Variants in NDEL1 observed in about 807,000 individuals in gnomAD.
NDEL1 encodes the protein nudE neurodevelopment protein 1 like 1.
Under a neutral mutation model 45.7 loss-of-function variants are expected in NDEL1, and 9 were observed. The observed-to-expected ratio is 0.20, with a 90% CI of 0.12 to 0.34. The LOEUF is 0.34. Ranked by LOEUF, NDEL1 falls within the 10% of genes least tolerant of loss-of-function variation. NDEL1 has a pLI of 1.00. For missense variants in NDEL1, 306 were observed against 406.2 expected, an observed-to-expected ratio of 0.75 and a Z score of 2.12; for synonymous variants, 133 against 158.6, an observed-to-expected ratio of 0.84 and a Z score of 1.21.
chr17:8,450,668 T>C (rs2151724557), intron 5 of NDEL1, 112 bp from the exon 6 acceptor site: 2 of 955,094 alleles, frequency 2.1e-6, no homozygotes, highest in East Asian at 6.0e-5. Flanking sequence ...AATTCATTTT[T>C]GAGAAATAGT....
intron 1 of NDEL1, among the ~76,000 whole-genome samples, chr17:8,414,463 C>T (rs1398930909): frequency 1.3e-5 from 2 of 152,040 alleles, no homozygotes; most frequent in East Asian, 1.9e-4. Context: ...GTCAGGATAT[C>T]GAGACCATCC....
chr17:8,449,036 G>GC (rs1910281936), intron 5 of NDEL1, among the ~76,000 whole-genome samples: 1 of 152,216 alleles, frequency 6.6e-6, no homozygotes, highest in Non-Finnish European at 1.5e-5. Context: ...AGGCTGGAGT[G>GC]CAATGGCACA....
At chr17:8,454,395 T>C (rs1403083539) in intron 6 of NDEL1, among the ~76,000 whole-genome samples, 1 of 151,832 alleles carries the variant, frequency 6.6e-6, no homozygotes, top group Non-Finnish European at 1.5e-5. Flanking sequence ...AAAAAAAAGA[T>C]AATATCTAAT....
downstream of NDEL1, among the ~76,000 whole-genome samples, chr17:8,469,861 A>ATTTTTTTTTTTT (rs762773754): frequency 7.8e-6 from 1 of 128,648 alleles, no homozygotes; most frequent in African/African-American, 3.0e-5. Flanking sequence ...TGCCTGGCTA[A>ATTTTTTTTTTTT]TTTTTTTTTT....
At chr17:8,463,100 GAC>G (rs1567743646) in intron 8 of NDEL1, 8 of 415,146 alleles carry the variant, frequency 1.9e-5, no homozygotes, top group Non-Finnish European at 3.5e-5. Flanking sequence ...CATCTGAAAG[GAC>G]ACACATTTCA....
chr17:8,425,309 G>T (rs768096993), intron 1 of NDEL1, among the ~76,000 whole-genome samples: 1 of 152,226 alleles, frequency 6.6e-6, no homozygotes, highest in Non-Finnish European at 1.5e-5. Context: ...GAGGCCAGGC[G>T]CAGTGGCGCA....
At chr17:8,424,665 C>T (rs1908783879) in intron 1 of NDEL1, among the ~76,000 whole-genome samples, 1 of 152,160 alleles carries the variant, frequency 6.6e-6, no homozygotes, top group African/African-American at 2.4e-5. Flanking sequence ...ACATGCCTGG[C>T]TAATTTTTTT....
Position 8,467,200 on chromosome 17 carries a change from G to C in NDEL1, c.*177G>C. 1 of 628,416 alleles carries C rather than the reference G, an allele frequency of 1.6e-6. No individual in the cohort carries two copies. The highest frequency in any genetic ancestry group is 1.9e-5 in the South Asian group (1 of 53,788). The allele number at this position is 628,416 out of a possible 1,614,324, so 38.9% of individuals were successfully genotyped here. On this transcript the variant is annotated 3_prime_UTR_variant, in exon 9 of 9. Coordinates refer to ENST00000334527, the MANE Select transcript of NDEL1 (RefSeq NM_030808.5). The surrounding 1 kb of genome is among the most constrained non-coding windows in gnomAD (Gnocchi z 6.3). ...GCCCTGCCCAGCCCCGGAACTCTGCGCGATATCAATACTGGCTATTTTCTC... is the reference window on the plus strand; with the variant it reads ...GCCCTGCCCAGCCCCGGAACTCTGCCCGATATCAATACTGGCTATTTTCTC...
Position 8,447,985 on chromosome 17 carries a change from G to T in NDEL1, c.390-565G>T, listed in dbSNP as rs567401784. On this transcript the variant is annotated intron_variant, in intron 4 of 8. Coordinates refer to ENST00000334527, the MANE Select transcript of NDEL1 (RefSeq NM_030808.5). ...AGATTGGTTGCGGGGAGGTGGGCGG[G>T]GGGGGGGCAGTGGGGGAACCAATCA... is the stretch of plus-strand genomic sequence containing the variant. 7.4e-3 allele frequency among the ~76,000 whole-genome samples: 1,113 copies of T among 149,544 alleles called. 20 individuals carry two copies. Among genetic ancestry groups the T allele is most frequent in the African/African-American group, 0.026 (1,055 of 41,136 alleles).
chr17:8,472,196 C>T (rs1228055370), downstream of NDEL1, among the ~76,000 whole-genome samples: 1 of 152,176 alleles, frequency 6.6e-6, no homozygotes, highest in East Asian at 1.9e-4. Flanking sequence ...TCGGTCATAC[C>T]CAGAGCCATA....
chr17:8,442,689 ATTT>A (rs58152673), intron 1 of NDEL1, among the ~76,000 whole-genome samples: 2 of 130,468 alleles, frequency 1.5e-5, no homozygotes, highest in African/African-American at 2.9e-5. Context: ...CTTTAAAAAG[ATTT>A]TTTTTTTTTT....
intron 1 of NDEL1, among the ~76,000 whole-genome samples, chr17:8,438,590 A>C (rs2151707075): frequency 6.6e-6 from 1 of 151,038 alleles, no homozygotes. Flanking sequence ...ATTACAGCTT[A>C]CTGCAGCCTC....
At chr17:8,429,233 C>T (rs1235455005) in intron 1 of NDEL1, among the ~76,000 whole-genome samples, 1 of 152,140 alleles carries the variant, frequency 6.6e-6, no homozygotes, top group Admixed American at 6.5e-5. Flanking sequence ...GTCAGTCTTG[C>T]CTTTGAAGTT....
chr17:8,446,849 T>C lies in NDEL1; in HGVS notation c.336T>C (p.His112=). The change falls in exon 4 of 9, where the codon CAT becomes CAC. Residue 112 remains histidine (H), a synonymous_variant. Transcript: ENST00000334527. ...SQTRAIKEQL[H]KYVRELEQAN... is the part of the protein sequence containing the mutation. ...CTCGGGCCATTAAGGAGCAGTTGCA[T>C]AAGTATGTGAGAGAGCTGGAGCAGG... 6.2e-7 allele frequency: 1 copy of C among 1,614,190 alleles called. No individual in the cohort carries two copies.
intron 3 of NDEL1, chr17:8,474,131 G>T (rs1912115824): frequency 6.6e-6 from 1 of 152,626 alleles, no homozygotes; most frequent in Non-Finnish European, 1.5e-5. Flanking sequence ...GCCATCATTT[G>T]AAGTTGGTGT....
chr17:8,435,132 C>T (rs9902183), upstream of NDEL1, among the ~76,000 whole-genome samples: 146,111 of 152,124 alleles, frequency 0.96, 70,445 homozygotes, highest in East Asian at 1. Context: ...TATATATATA[C>T]ACATAGGACT....
At chr17:8,468,436 AG>A (rs1263785388), downstream of NDEL1, among the ~76,000 whole-genome samples, 3 of 152,246 alleles carry the variant, frequency 2.0e-5, no homozygotes, top group Admixed American at 2.0e-4. Context: ...CAGGATGTTG[AG>A]GGCGGAAGTT....
At position 8,446,741 on chromosome 17, in the gene NDEL1, C is replaced by A; in HGVS notation, c.241-13C>A. 6.2e-7 allele frequency: 1 copy of A among 1,611,956 alleles called. No individual in the cohort carries two copies. Among genetic ancestry groups the A allele is most frequent in the Non-Finnish European group, 8.5e-7 (1 of 1,178,854 alleles). Reference sequence around the variant, plus strand: ...TATTAATGACATGTACTTTCCTATACTGATGCCCTCAGGAGAAGCTAGAGC... The same window carrying A: ...TATTAATGACATGTACTTTCCTATAATGATGCCCTCAGGAGAAGCTAGAGC... On this transcript the variant is annotated splice_polypyrimidine_tract_variant and intron_variant, in intron 3 of 8. Coordinates refer to ENST00000334527, the MANE Select transcript of NDEL1 (RefSeq NM_030808.5).
downstream of NDEL1, among the ~76,000 whole-genome samples, chr17:8,470,100 G>A (rs1911800507): frequency 6.6e-6 from 1 of 152,028 alleles, no homozygotes; most frequent in African/African-American, 2.4e-5. The surrounding 1 kb of genome is among the most constrained non-coding windows in gnomAD (Gnocchi z 4.2). Context: ...CCCGCTTTCT[G>A]TTTGGACTGT....
Sources: gnomAD v4.1 joint callset for allele counts (sites outside exome capture counted in the v4.1 genomes callset) on GRCh38, gnomAD v4.1.1 for gene constraint, Gnocchi (gnomAD v3.1) non-coding constraint, MANE v1.5 for transcripts, NCBI Gene and HGNC (gene_info 2026-07-23, HGNC 2026-07-21) for gene names.